Variants in AVP observed in about 807,000 individuals in gnomAD.
The protein encoded by AVP is arginine vasopressin.
Under a neutral mutation model 11.1 loss-of-function variants are expected in AVP, and 9 were observed. The observed-to-expected ratio is 0.81, with a 90% CI of 0.49 to 1.42. The LOEUF (loss-of-function observed/expected upper bound fraction) is 1.42. AVP is among the 40% of genes most tolerant of loss of function. The probability of loss-of-function intolerance (pLI) is 0.00; values close to 1 mark genes in which losing one functional copy is unlikely to be tolerated. For missense variants in AVP, 206 were observed against 238.5 expected, an observed-to-expected ratio of 0.86 and a Z score of 0.90; for synonymous variants, 106 against 111.3, an observed-to-expected ratio of 0.95 and a Z score of 0.30.
In AVP at chr20:3,083,779, G is replaced by A. The variant is rs2066123897; in HGVS notation, c.121-601C>T. Among the ~76,000 whole-genome samples, 1 of 152,296 alleles carries A rather than the reference G, an allele frequency of 6.6e-6. No individual in the cohort carries two copies. Among genetic ancestry groups the A allele is most frequent in the East Asian group, 1.9e-4 (1 of 5,182 alleles). ...GGGCCTGAGACCTAGAGGCGAGCAC[G>A]GACACCCAGGTGCCTCAGGACCCTA... On this transcript the variant is annotated intron_variant, in intron 1 of 2. Coordinates refer to ENST00000380293, the MANE Select transcript of AVP (RefSeq NM_000490.5). The surrounding 1 kb of genome is among the most constrained non-coding windows in gnomAD (Gnocchi z 5.4).
rs1212683875 is a variant in AVP at position 3,083,090 on chromosome 20, G to A, written c.209C>T (p.Ala70Val). 1.9e-6 allele frequency: 3 copies of A among 1,560,454 alleles called. No homozygotes were observed. The highest frequency in any genetic ancestry group is 4.9e-5 in the East Asian group (2 of 40,646). The change falls in exon 2 of 3, where the codon GCT (alanine) becomes GTT (valine). Residue 70 changes from alanine to valine, a missense_variant. Ala to Val is a moderately conservative substitution (Grantham distance 64). This residue lies in a region of AVP where 100 missense variants were observed against 149.3 expected (regional missense o/e 0.67). Coordinates refer to ENST00000380293, the MANE Select transcript of AVP (RefSeq NM_000490.5). This position sits in a 1 kb window ranked among gnomAD's most constrained non-coding sequence, Gnocchi z 5.4. Reference sequence around the variant, plus strand: ...CTCCTCCTGGCAGCGCAGCGCCTCAGCCGTGCCCACGAAGCAGCCCAGCTC... The same window carrying A: ...CTCCTCCTGGCAGCGCAGCGCCTCAACCGTGCCCACGAAGCAGCCCAGCTC... ...ADELGCFVGT[A>V]EALRCQEENY...
At position 3,083,459 on chromosome 20, in the gene AVP, G is replaced by A. The variant is rs913887862; in HGVS notation, c.121-281C>T. 6.6e-6 allele frequency among the ~76,000 whole-genome samples: 1 copy of A among 152,158 alleles called. No homozygotes were observed. The highest frequency in any genetic ancestry group is 1.5e-5 in the Non-Finnish European group (1 of 68,022). Reference sequence around the variant, plus strand: ...ACGGGTCTCCCGTGGACTACAGCGTGGGGAACCCTTCCTCGAGCCTCGGGG... The same window carrying A: ...ACGGGTCTCCCGTGGACTACAGCGTAGGGAACCCTTCCTCGAGCCTCGGGG... On this transcript the variant is annotated intron_variant, in intron 1 of 2. Transcript: ENST00000380293. This position sits in a 1 kb window ranked among gnomAD's most constrained non-coding sequence, Gnocchi z 5.4.
In AVP at chr20:3,083,481, G is replaced by A. The variant is rs949757604; in HGVS notation, c.121-303C>T. 6.6e-6 allele frequency among the ~76,000 whole-genome samples: 1 copy of A among 152,122 alleles called. No homozygotes were observed. Among genetic ancestry groups the A allele is most frequent in the Non-Finnish European group, 1.5e-5 (1 of 68,010 alleles). On this transcript the variant is annotated intron_variant, in intron 1 of 2. Transcript: ENST00000380293. The surrounding 1 kb of genome is among the most constrained non-coding windows in gnomAD (Gnocchi z 5.4). ...CGTGGGGAACCCTTCCTCGAGCCTC[G>A]GGGTCATCGCTGGTGGGCGCCACTG...
chr20:3,083,885 G>C lies in AVP; in HGVS notation c.120+670C>G, dbSNP rs1463952344. On this transcript the variant is annotated intron_variant, in intron 1 of 2. Transcript: ENST00000380293. This position sits in a 1 kb window ranked among gnomAD's most constrained non-coding sequence, Gnocchi z 5.4. Reference sequence around the variant, plus strand: ...TCTGCTCAACAGCCGGTTCTCTGGCGCAATGGATAGCGCATTAGACTTTTA... The same window carrying C: ...TCTGCTCAACAGCCGGTTCTCTGGCCCAATGGATAGCGCATTAGACTTTTA... Among the ~76,000 whole-genome samples, 1 of 152,244 alleles carries C rather than the reference G, an allele frequency of 6.6e-6. No homozygotes were observed. Among genetic ancestry groups the C allele is most frequent in the Non-Finnish European group, 1.5e-5 (1 of 68,046 alleles).
In AVP at chr20:3,082,672, C is replaced by T. The variant is rs2066115831; in HGVS notation, c.453G>A (p.Gly151=). 2 of 1,285,584 alleles carry T rather than the reference C, an allele frequency of 1.6e-6. No individual in the cohort carries two copies. The highest frequency in any genetic ancestry group is 9.8e-7 in the Non-Finnish European group (1 of 1,020,048). 79.6% of individuals were successfully genotyped at this position (1,285,584 alleles called of 1,614,324 possible). Residue 151 remains glycine, a synonymous_variant, in exon 3 of 3, where the codon GGG becomes GGA. Transcript: ENST00000380293. The surrounding 1 kb of genome is among the most constrained non-coding windows in gnomAD (Gnocchi z 4.7). ...GGGCGGGCTCGAAGGGCTCGGGCGC[C>T]CCGGCCAGCTGCACCAGCCGCAGCA... ...ALLLRLVQLA[G]APEPFEPAQP...
At position 3,083,645 on chromosome 20, in the gene AVP, A is replaced by C; in HGVS notation, c.121-467T>G. Reference sequence around the variant, plus strand: ...CCCATCCAGAACCCCGGCCCTTCCCATTTCCTGTCTCCTCTCTTGCCTTGC... The same window carrying C: ...CCCATCCAGAACCCCGGCCCTTCCCCTTTCCTGTCTCCTCTCTTGCCTTGC... On this transcript the variant is annotated intron_variant, in intron 1 of 2. Transcript: ENST00000380293. This position sits in a 1 kb window ranked among gnomAD's most constrained non-coding sequence, Gnocchi z 5.4. 1.3e-5 allele frequency among the ~76,000 whole-genome samples: 2 copies of C among 151,076 alleles called. No individual in the cohort carries two copies. Among genetic ancestry groups the C allele is most frequent in the African/African-American group, 2.4e-5 (1 of 41,018 alleles).
At chr20:3,084,231 C>A (rs907069672) in intron 1 of AVP, among the ~76,000 whole-genome samples, 2 of 152,154 alleles carry the variant, frequency 1.3e-5, no homozygotes, top group African/African-American at 4.8e-5. Flanking sequence ...GCCATGGGCA[C>A]AGGGGAGGCC....
At position 3,083,065 on chromosome 20, in the gene AVP, C is replaced by T; in HGVS notation, c.234G>A (p.Glu78=). The change falls in exon 2 of 3, where the codon GAG becomes GAA. Residue 78 remains glutamate, a synonymous_variant. Transcript: ENST00000380293. This position sits in a 1 kb window ranked among gnomAD's most constrained non-coding sequence, Gnocchi z 5.4. ...GTAEALRCQE[E]NYLPSPCQSG... ...ACTGGCAGGGCGACGGCAGGTAGTT[C>T]TCCTCCTGGCAGCGCAGCGCCTCAG... is the stretch of plus-strand genomic sequence containing the variant. The T allele has an allele frequency of 6.4e-7, 1 of 1,563,152 alleles. No individual in the cohort carries two copies. The highest frequency in any genetic ancestry group is 8.6e-7 in the Non-Finnish European group (1 of 1,165,010).
At position 3,083,263 on chromosome 20, in the gene AVP, G is replaced by A; in HGVS notation, c.121-85C>T. 1 of 1,313,130 alleles carries A rather than the reference G, an allele frequency of 7.6e-7. No individual in the cohort carries two copies. 81.3% of individuals were successfully genotyped at this position (1,313,130 alleles called of 1,614,324 possible). A position where few individuals can be genotyped will look rare whatever the true frequency, so the allele number is the denominator to read the frequency against. On this transcript the variant is annotated intron_variant, in intron 1 of 2. Transcript: ENST00000380293. The surrounding 1 kb of genome is among the most constrained non-coding windows in gnomAD (Gnocchi z 5.4). ...GAACGCAGCGAGGCGGGGATGCTGGGGTCCAGGGCTCGGAGTGCGGGCGGG... is the reference window on the plus strand; with the variant it reads ...GAACGCAGCGAGGCGGGGATGCTGGAGTCCAGGGCTCGGAGTGCGGGCGGG...
rs193002694 is a variant in AVP, at chr20:3,083,069, T to A, written c.230A>T (p.Glu77Val). The A allele has an allele frequency of 6.7e-4, 1,045 of 1,563,670 alleles. 14 individuals are homozygous for A. In the African/African-American group the frequency reaches 0.013, roughly 20 times the overall value. ...VGTAEALRCQ[E>V]ENYLPSPCQS... is the part of the protein sequence containing the mutation. ...GCAGGGCGACGGCAGGTAGTTCTCCTCCTGGCAGCGCAGCGCCTCAGCCGT... is the reference window on the plus strand; with the variant it reads ...GCAGGGCGACGGCAGGTAGTTCTCCACCTGGCAGCGCAGCGCCTCAGCCGT... Residue 77 changes from glutamate (E) to valine (V), a missense_variant, in exon 2 of 3, where the codon GAG becomes GTG. Around this residue, in one of 2 missense-constraint regions of AVP, gnomAD observed 100 missense variants for 149.3 expected, o/e 0.67. Transcript: ENST00000380293. The surrounding 1 kb of genome is among the most constrained non-coding windows in gnomAD (Gnocchi z 5.4).
In AVP at chr20:3,082,947, C is replaced by G. The variant is rs925274371; in HGVS notation, c.322+30G>C. ...CCCCACCCAAGCGGTCTGCGCCCCC[C>G]CCAGCCCCAGGCCCGCCCCCGCCGC... On this transcript the variant is annotated intron_variant, in intron 2 of 2. Coordinates refer to ENST00000380293, the MANE Select transcript of AVP (RefSeq NM_000490.5). The surrounding 1 kb of genome is among the most constrained non-coding windows in gnomAD (Gnocchi z 4.7). 6.1e-5 allele frequency: 82 copies of G among 1,346,720 alleles called. No homozygotes were observed. The East Asian group carries it at 1.8e-3, about 30-fold the overall frequency. The allele number at this position is 1,346,720 out of a possible 1,614,324, so 83.4% of individuals were successfully genotyped here. A position where few individuals can be genotyped will look rare whatever the true frequency, so the allele number is the denominator to read the frequency against.
chr20:3,083,621 C>G lies in AVP; in HGVS notation c.121-443G>C, dbSNP rs1173501476. Among the ~76,000 whole-genome samples the G allele has an allele frequency of 1.3e-5, 2 of 152,308 alleles. No homozygotes were observed. The highest frequency in any genetic ancestry group is 2.1e-4 in the South Asian group (1 of 4,826). ...ACTACACCATGCGGAGAGGCCCTACCCATCCAGAACCCCGGCCCTTCCCAT... is the reference window on the plus strand; with the variant it reads ...ACTACACCATGCGGAGAGGCCCTACGCATCCAGAACCCCGGCCCTTCCCAT... On this transcript the variant is annotated intron_variant, in intron 1 of 2. Transcript: ENST00000380293. This position sits in a 1 kb window ranked among gnomAD's most constrained non-coding sequence, Gnocchi z 5.4.
Position 3,083,163 on chromosome 20 carries a change from G to A in AVP, c.136C>T (p.Pro46Ser), listed in dbSNP as rs1223137356. 3 of 1,503,308 alleles carry A rather than the reference G, an allele frequency of 2.0e-6. No homozygotes were observed. The highest frequency in any genetic ancestry group is 5.5e-5 in the East Asian group (2 of 36,388). The allele number at this position is 1,503,308 out of a possible 1,614,324, so 93.1% of individuals were successfully genotyped here. The change falls in exon 2 of 3, where the codon CCC becomes TCC. Residue 46 changes from proline to serine, a missense_variant. By Grantham distance (74) the Pro-to-Ser change is moderately conservative. Coordinates refer to ENST00000380293, the MANE Select transcript of AVP (RefSeq NM_000490.5). This position sits in a 1 kb window ranked among gnomAD's most constrained non-coding sequence, Gnocchi z 5.4. Reference protein sequence around the residue: ...LELRQCLPCGPGGKGRCFGPS... With the variant: ...LELRQCLPCGSGGKGRCFGPS... Reference sequence around the variant, plus strand: ...CCGAAGCAGCGGCCTTTGCCCCCGGGGCCGCAGGGGAGGCACTGCGGGGAC... The same window carrying A: ...CCGAAGCAGCGGCCTTTGCCCCCGGAGCCGCAGGGGAGGCACTGCGGGGAC...
rs2148570723 is a variant in AVP, at chr20:3,082,916, C to CCCCCCG, written c.322+60_322+61insCGGGGG. 1.0e-5 allele frequency: 7 copies of CCCCCCG among 696,038 alleles called. No homozygotes were observed. The highest frequency in any genetic ancestry group is 4.8e-5 in the South Asian group (1 of 20,894). 43.1% of individuals were successfully genotyped at this position (696,038 alleles called of 1,614,324 possible). A position where few individuals can be genotyped will look rare whatever the true frequency, so the allele number is the denominator to read the frequency against. ...CAGCCCCCACCCCGCCGCAGGCCCG[C>CCCCCCG]GTCCCCCCCACCCAAGCGGTCTGCG... is the stretch of plus-strand genomic sequence containing the variant. On this transcript the variant is annotated intron_variant, in intron 2 of 2. Coordinates refer to ENST00000380293, the MANE Select transcript of AVP (RefSeq NM_000490.5). The surrounding 1 kb of genome is among the most constrained non-coding windows in gnomAD (Gnocchi z 4.7).
In AVP at chr20:3,082,858, G is replaced by A. The variant is rs951507234; in HGVS notation, c.323-56C>T. On this transcript the variant is annotated intron_variant, in intron 2 of 2. Transcript: ENST00000380293. The surrounding 1 kb of genome is among the most constrained non-coding windows in gnomAD (Gnocchi z 4.7). The stretch of plus-strand genomic sequence containing the variant: ...CTGGGGCGGGCGCAGCTCGGGGTGC[G>A]GGGGGCCCACACCCTCCCTGCCGGG... 40 of 1,218,868 alleles carry A rather than the reference G, an allele frequency of 3.3e-5. No homozygotes were observed. The Middle Eastern group carries it at 9.7e-4, about 30-fold the overall frequency. The allele number at this position is 1,218,868 out of a possible 1,614,324, so 75.5% of individuals were successfully genotyped here. A position where few individuals can be genotyped will look rare whatever the true frequency, so the allele number is the denominator to read the frequency against.
chr20:3,084,230 A>C (rs1237256043), intron 1 of AVP, among the ~76,000 whole-genome samples: 1 of 152,168 alleles, frequency 6.6e-6, no homozygotes, highest in Non-Finnish European at 1.5e-5. Context: ...CGCCATGGGC[A>C]CAGGGGAGGC....
At position 3,083,797 on chromosome 20, in the gene AVP, G is replaced by A. The variant is rs1339292063; in HGVS notation, c.121-619C>T. Reference sequence around the variant, plus strand: ...CGAGCACGGACACCCAGGTGCCTCAGGACCCTAAAGGAGCCTAGCAGGAGG... The same window carrying A: ...CGAGCACGGACACCCAGGTGCCTCAAGACCCTAAAGGAGCCTAGCAGGAGG... On this transcript the variant is annotated intron_variant, in intron 1 of 2. Transcript: ENST00000380293. The surrounding 1 kb of genome is among the most constrained non-coding windows in gnomAD (Gnocchi z 5.4). 2.0e-5 allele frequency among the ~76,000 whole-genome samples: 3 copies of A among 152,210 alleles called. No homozygotes were observed. The highest frequency in any genetic ancestry group is 2.9e-5 in the Non-Finnish European group (2 of 68,046).
At position 3,083,562 on chromosome 20, in the gene AVP, G is replaced by C. The variant is rs1198586642; in HGVS notation, c.121-384C>G. On this transcript the variant is annotated intron_variant, in intron 1 of 2. Coordinates refer to ENST00000380293, the MANE Select transcript of AVP (RefSeq NM_000490.5). This position sits in a 1 kb window ranked among gnomAD's most constrained non-coding sequence, Gnocchi z 5.4. The stretch of plus-strand genomic sequence containing the variant: ...ACCCTTCCTCCTTCCTCCTCGCCCT[G>C]CTGCGGCTTGAGCCCGGGCCCACCC... 2.0e-5 allele frequency among the ~76,000 whole-genome samples: 3 copies of C among 152,084 alleles called. No homozygotes were observed. The highest frequency in any genetic ancestry group is 7.2e-5 in the African/African-American group (3 of 41,408).
At position 3,082,999 on chromosome 20, in the gene AVP, G is replaced by A. The variant is rs2066118912; in HGVS notation, c.300C>T (p.Ala100=). 2 of 1,473,576 alleles carry A rather than the reference G, an allele frequency of 1.4e-6. No individual in the cohort carries two copies. The allele number at this position is 1,473,576 out of a possible 1,614,324, so 91.3% of individuals were successfully genotyped here. A position where few individuals can be genotyped will look rare whatever the true frequency, so the allele number is the denominator to read the frequency against. ...CACCGTCGTTGCAGCAAACGCCGAAGGCGGCGCAGCGGCCCCCGCTCCCGC... is the reference window on the plus strand; with the variant it reads ...CACCGTCGTTGCAGCAAACGCCGAAAGCGGCGCAGCGGCCCCCGCTCCCGC... ...KACGSGGRCA[A]FGVCCNDESC... Residue 100 remains alanine (A), a synonymous_variant, in exon 2 of 3, where the codon GCC becomes GCT. Transcript: ENST00000380293. This position sits in a 1 kb window ranked among gnomAD's most constrained non-coding sequence, Gnocchi z 4.7.
Sources: allele counts gnomAD v4.1 joint callset (sites outside exome capture counted in the v4.1 genomes callset), GRCh38; gene constraint gnomAD v4.1.1; regional missense constraint gnomAD v4.1.1; non-coding constraint Gnocchi (gnomAD v3.1); transcripts MANE v1.5; gene names NCBI Gene and HGNC (gene_info 2026-07-23, HGNC 2026-07-21).